The following ANK3 variants were observed in gnomAD, a reference collection of about 807,000 sequenced individuals.
The protein encoded by ANK3 is ankyrin 3.
Under a neutral mutation model 370.9 loss-of-function variants are expected in ANK3, and 57 were observed. That is an observed-to-expected ratio of 0.15 (90% confidence interval 0.12 to 0.19). ANK3 has a LOEUF of 0.19. Among genes scored for constraint, ANK3 ranks in the 10% least tolerant of loss-of-function variants. The pLI is 1.00. For missense variants in ANK3, 4,439 were observed against 5,302.1 expected, an observed-to-expected ratio of 0.84 and a Z score of 5.06; for synonymous variants, 1,929 against 1,946.3, an observed-to-expected ratio of 0.99 and a Z score of 0.23.
intron 23 of ANK3, among the ~76,000 whole-genome samples, chr10:60,161,829 C>A (rs2095508664): frequency 6.6e-6 from 1 of 151,922 alleles, no homozygotes; most frequent in South Asian, 2.1e-4. Context: ...CACAATAGGG[C>A]AACTATAGTT....
At chr10:60,371,076 C>A (rs1262408370) in intron 1 of ANK3, among the ~76,000 whole-genome samples, 2 of 152,134 alleles carry the variant, frequency 1.3e-5, no homozygotes, top group African/African-American at 2.4e-5. Flanking sequence ...TTCAGTAAGT[C>A]ATCATGTCCC....
chr10:60,279,223 G>T, intron 2 of ANK3, 75 bp from the exon 3 acceptor site: 1 of 1,283,558 alleles, frequency 7.8e-7, no homozygotes, highest in Non-Finnish European at 1.1e-6. Flanking sequence ...AAGAACTCCT[G>T]AGATATTATA....
chr10:60,145,830 T>C (rs777810277), intron 23 of ANK3: 500 of 584,176 alleles, frequency 8.6e-4, no homozygotes, highest in Non-Finnish European at 1.3e-3. Flanking sequence ...GGGCTTTGTC[T>C]GTTTTGCTTC....
chr10:60,544,814 G>A (rs1450692630), intron 2 of ANK3, among the ~76,000 whole-genome samples: 2 of 152,036 alleles, frequency 1.3e-5, no homozygotes, highest in South Asian at 2.1e-4. Flanking sequence ...ACCAATGTTT[G>A]TAAATTTCCA....
intron 1 of ANK3, among the ~76,000 whole-genome samples, chr10:60,388,758 C>A (rs774832430): frequency 6.6e-6 from 1 of 152,106 alleles, no homozygotes; most frequent in Non-Finnish European, 1.5e-5. Context: ...GGAATTCCTG[C>A]GTTCAGGATA....
intron 7 of ANK3, among the ~76,000 whole-genome samples, chr10:60,242,502 T>C (rs952020887): frequency 6.6e-6 from 1 of 152,186 alleles, no homozygotes; most frequent in African/African-American, 2.4e-5. Flanking sequence ...AGAAATTCTA[T>C]CCTGGTTATA....
chr10:60,199,342 A>G (rs990939999), intron 13 of ANK3, among the ~76,000 whole-genome samples: 3 of 152,184 alleles, frequency 2.0e-5, no homozygotes, highest in Non-Finnish European at 4.4e-5. Flanking sequence ...AAGAATAAGG[A>G]GGATGAGGGT....
intron 1 of ANK3, among the ~76,000 whole-genome samples, chr10:60,342,400 G>A (rs1044025130): frequency 6.6e-6 from 1 of 152,158 alleles, no homozygotes; most frequent in Admixed American, 6.5e-5. Flanking sequence ...TATCTTCAGA[G>A]GGGAAGGCTG....
chr10:60,581,491 C>T (rs575598507), intron 2 of ANK3, among the ~76,000 whole-genome samples: 1 of 148,698 alleles, frequency 6.7e-6, no homozygotes, highest in Non-Finnish European at 1.5e-5. Context: ...GTGGCACAAT[C>T]TCAGCTCACT....
intron 2 of ANK3, among the ~76,000 whole-genome samples, chr10:60,397,498 G>A (rs1410838833): frequency 2.0e-5 from 3 of 152,084 alleles, no homozygotes; most frequent in Non-Finnish European, 2.9e-5. Context: ...GAAGCAAGAC[G>A]GACATCACAG....
intron 28 of ANK3, among the ~76,000 whole-genome samples, chr10:60,098,255 G>A (rs958474869): frequency 6.6e-6 from 1 of 152,102 alleles, no homozygotes; most frequent in African/African-American, 2.4e-5. Flanking sequence ...CAGCCAGAGA[G>A]TCAATCTGTA....
In ANK3 at chr10:60,108,916, T is replaced by C; in HGVS notation, c.3087A>G (p.Lys1029=). Residue 1029 remains lysine, a synonymous_variant, in exon 27 of 44, where the codon AAA becomes AAG. Coordinates refer to ENST00000280772, the MANE Select transcript of ANK3 (RefSeq NM_020987.5). ...RITCRLVKRH[K]LANPPPMVEG... ...CCACCATGGGGGGTGGGTTGGCCAG[T>C]TTATGTCTCTTTACCAAACGGCAGG... 1 of 1,614,034 alleles carries C rather than the reference T, an allele frequency of 6.2e-7. No homozygotes were observed. Among genetic ancestry groups the C allele is most frequent in the Non-Finnish European group, 8.5e-7 (1 of 1,179,976 alleles).
At chr10:60,645,715 A>C (rs1193763221) in intron 1 of ANK3, among the ~76,000 whole-genome samples, 5 of 152,044 alleles carry the variant, frequency 3.3e-5, no homozygotes, top group Non-Finnish European at 7.4e-5. Context: ...ACAGAGTGAG[A>C]TTATGTCTCA....
At chr10:60,280,084 G>C (rs966052865) in intron 1 of ANK3, among the ~76,000 whole-genome samples, 18 of 152,234 alleles carry the variant, frequency 1.2e-4, no homozygotes, top group Non-Finnish European at 2.1e-4. Context: ...TCTTCTTAGA[G>C]ACAGGGTCTC....
chr10:60,057,573 T>C (rs1005881665), intron 41 of ANK3, among the ~76,000 whole-genome samples: 5 of 152,160 alleles, frequency 3.3e-5, no homozygotes, highest in African/African-American at 1.2e-4. Context: ...TTTATGACTT[T>C]GGTTTAATTT....
chr10:60,078,778 GACTT>G (rs1009948361), intron 36 of ANK3, among the ~76,000 whole-genome samples: 26 of 152,288 alleles, frequency 1.7e-4, no homozygotes, highest in Admixed American at 1.6e-3. Flanking sequence ...CCAGTTTTGA[GACTT>G]ACTTTTCTTT....
At position 60,038,805 on chromosome 10, in the gene ANK3, A is replaced by T. The variant is rs147111492; in HGVS notation, c.*19+3867T>A. Among the ~76,000 whole-genome samples the T allele has an allele frequency of 1.8e-3, 279 of 152,256 alleles. 1 individual carries two copies. The highest frequency in any genetic ancestry group is 5.8e-3 in the African/African-American group (243 of 41,544). The stretch of plus-strand genomic sequence containing the variant: ...CAATCTTACATATTTGAAGAAATGA[A>T]AGATCATGCACTGATCTATCATTTC... On this transcript the variant is annotated intron_variant, in intron 43 of 43. Coordinates refer to ENST00000280772, the MANE Select transcript of ANK3 (RefSeq NM_020987.5).
At chr10:60,120,831 C>T (rs1032744714) in intron 25 of ANK3, among the ~76,000 whole-genome samples, 3 of 152,002 alleles carry the variant, frequency 2.0e-5, no homozygotes, top group African/African-American at 7.2e-5. Flanking sequence ...CAAATTCTAA[C>T]CAGGATTTGG....
At chr10:60,030,935 A>G (rs1017856703) in intron 43 of ANK3, among the ~76,000 whole-genome samples, 1 of 152,152 alleles carries the variant, frequency 6.6e-6, no homozygotes, top group Admixed American at 6.5e-5. Flanking sequence ...AGCCATTTGT[A>G]GCCCTTTGGG....
Sources: gnomAD v4.1 joint callset for allele counts (sites outside exome capture counted in the v4.1 genomes callset) on GRCh38, gnomAD v4.1.1 for gene constraint, MANE v1.5 for transcripts, NCBI Gene and HGNC (gene_info 2026-07-23, HGNC 2026-07-21) for gene names.